Variants in CNGB1 observed in about 807,000 individuals in gnomAD.
CNGB1 encodes cyclic nucleotide-gated channel beta-1.
In CNGB1, 126 loss-of-function variants were observed where a neutral mutation model predicts 151.7. The observed-to-expected ratio is 0.83, with a 90% CI of 0.72 to 0.96. The LOEUF (loss-of-function observed/expected upper bound fraction) is 0.96. CNGB1 is among the 40% of genes least tolerant of loss of function. CNGB1 has a pLI of 0.00. For missense variants in CNGB1, 1,698 were observed against 1,627.0 expected (o/e 1.04, Z -0.75); for synonymous variants, 623 against 635.1 (o/e 0.98, Z 0.29).
chr16:57,939,339 A>G (rs1186527865), intron 16 of CNGB1, 91 bp downstream of exon 16: 2 of 1,562,934 alleles, frequency 1.3e-6, no homozygotes, highest in Admixed American at 1.7e-5. Flanking sequence ...GAGGGAGAGG[A>G]GGAGGGGTTG....
intron 25 of CNGB1, among the ~76,000 whole-genome samples, chr16:57,907,757 G>C (rs1320908911): frequency 2.0e-5 from 3 of 152,200 alleles, no homozygotes; most frequent in African/African-American, 7.2e-5. Flanking sequence ...GGGCTCAGGA[G>C]CAGGGCTGTG....
At position 57,897,400 on chromosome 16, in the gene CNGB1, G is replaced by A; in HGVS notation, c.3239C>T (p.Ala1080Val). 6.2e-7 allele frequency: 1 copy of A among 1,614,080 alleles called. No individual in the cohort carries two copies. Among genetic ancestry groups the A allele is most frequent in the Non-Finnish European group, 8.5e-7 (1 of 1,180,008 alleles). ...PESQKLLRKKARRMLRSNNKP... is the reference protein window; with the variant it reads ...PESQKLLRKKVRRMLRSNNKP... The stretch of plus-strand genomic sequence containing the variant: ...AAACGAAAGAAAAGTTACATACCTG[G>A]CTTTCTTCCGGAGTAACTTCTGAGA... Residue 1080 changes from alanine (A) to valine (V), a missense_variant, in exon 31 of 33, where the codon GCC (alanine) becomes GTC (valine). Ala to Val is a moderately conservative substitution (Grantham distance 64, BLOSUM62 0). Coordinates refer to ENST00000251102, the MANE Select transcript of CNGB1 (RefSeq NM_001297.5).
chr16:57,949,534 C>T (rs1041844637), intron 13 of CNGB1, 95 bp from the exon 14 acceptor site: 39 of 1,592,322 alleles, frequency 2.4e-5, no homozygotes, highest in Non-Finnish European at 3.2e-5. Flanking sequence ...TCCCATGACA[C>T]CTGAGCCCAG....
At chr16:57,937,837 C>T (rs1165670691) in intron 16 of CNGB1, among the ~76,000 whole-genome samples, 1 of 152,212 alleles carries the variant, frequency 6.6e-6, no homozygotes, top group Non-Finnish European at 1.5e-5. Context: ...TTGACAATTT[C>T]TGTTACCCAG....
chr16:57,942,862 CAAA>C (rs77562880), intron 14 of CNGB1, among the ~76,000 whole-genome samples: 10 of 105,906 alleles, frequency 9.4e-5, no homozygotes, highest in East Asian at 3.0e-4. Flanking sequence ...GACCCTGTCT[CAAA>C]AAAAAAAAAA....
chr16:57,934,887 G>A (rs1184035661), intron 16 of CNGB1, among the ~76,000 whole-genome samples: 1 of 151,724 alleles, frequency 6.6e-6, no homozygotes, highest in Non-Finnish European at 1.5e-5. Context: ...AACCCGGGAG[G>A]CGGAGCTTGC....
chr16:57,914,460 C>T (rs768274942), intron 23 of CNGB1, among the ~76,000 whole-genome samples: 2 of 152,186 alleles, frequency 1.3e-5, no homozygotes, highest in Non-Finnish European at 2.9e-5. Flanking sequence ...TTTTCTCTGC[C>T]CTGTTTCTCT....
chr16:57,904,149 C>T (rs539887618), intron 26 of CNGB1, among the ~76,000 whole-genome samples, 168 bp from the exon 27 acceptor site: 34 of 152,124 alleles, frequency 2.2e-4, no homozygotes, highest in Non-Finnish European at 3.1e-4. Flanking sequence ...GTTTTACTGA[C>T]GGGAAGTTCT....
rs1356127781 is a variant in CNGB1, at chr16:57,960,631, G to A, written c.535-101C>T. The A allele has an allele frequency of 2.4e-5, 35 of 1,475,750 alleles. No individual in the cohort carries two copies. In the East Asian group the frequency reaches 3.4e-4, roughly 14 times the overall value. The allele number at this position is 1,475,750 out of a possible 1,614,324, so 91.4% of individuals were successfully genotyped here. ...TGTCCTGGCCCAAGGCGGGTGAGCCGGGGATGGGGGTGGGGGGTGTCTCTC... is the reference window on the plus strand; with the variant it reads ...TGTCCTGGCCCAAGGCGGGTGAGCCAGGGATGGGGGTGGGGGGTGTCTCTC... On this transcript the variant is annotated intron_variant, in intron 8 of 32. Coordinates refer to ENST00000251102, the MANE Select transcript of CNGB1 (RefSeq NM_001297.5).
chr16:57,904,942 G>A (rs1960505523), intron 25 of CNGB1, 67 bp from the exon 26 acceptor site: 7 of 1,596,786 alleles, frequency 4.4e-6, no homozygotes, highest in Non-Finnish European at 4.3e-6. Flanking sequence ...GAGCAGTCTG[G>A]CTCAGACGCC....
At chr16:57,891,760 T>C (rs1195197780) in intron 31 of CNGB1, among the ~76,000 whole-genome samples, 1 of 152,110 alleles carries the variant, frequency 6.6e-6, no homozygotes, top group Non-Finnish European at 1.5e-5. Flanking sequence ...TTTCACCATG[T>C]TGGCCAGGCT....
Position 57,882,533 on chromosome 16 carries a change from A to G in CNGB1, c.*1631T>C, listed in dbSNP as rs1326336390. On this transcript the variant is annotated 3_prime_UTR_variant, in exon 33 of 33. Coordinates refer to ENST00000251102, the MANE Select transcript of CNGB1 (RefSeq NM_001297.5). ...AATGAATGTTGTTTTTAGTGGATGG[A>G]CAAATACATACAGACATTTGCAAAC... 6.6e-6 allele frequency: 1 copy of G among 152,134 alleles called. No individual in the cohort carries two copies. Among genetic ancestry groups the G allele is most frequent in the African/African-American group, 2.4e-5 (1 of 41,430 alleles). 9.4% of individuals were successfully genotyped at this position (152,134 alleles called of 1,614,324 possible).
At chr16:57,891,008 C>T (rs1033606684) in intron 31 of CNGB1, among the ~76,000 whole-genome samples, 4 of 152,218 alleles carry the variant, frequency 2.6e-5, no homozygotes, top group Admixed American at 6.5e-5. Context: ...GGTGCACAGG[C>T]ACTGTCAGGA....
chr16:57,929,386 A>G (rs868495087), intron 17 of CNGB1, among the ~76,000 whole-genome samples: 5 of 151,982 alleles, frequency 3.3e-5, no homozygotes, highest in Non-Finnish European at 7.4e-5. Flanking sequence ...GGAAACTTAC[A>G]ATCATGGAGG....
intron 16 of CNGB1, among the ~76,000 whole-genome samples, chr16:57,935,605 G>A (rs570261606): frequency 2.5e-4 from 38 of 152,048 alleles, no homozygotes; most frequent in African/African-American, 8.2e-4. Flanking sequence ...CCGAGATGGT[G>A]CCACAACACT....
intron 12 of CNGB1, chr16:57,954,755 A>C: frequency 1.0e-6 from 1 of 969,546 alleles, no homozygotes; most frequent in South Asian, 4.7e-5. Flanking sequence ...CCTTGGAAGG[A>C]GAGAGTGTGG....
intron 17 of CNGB1, among the ~76,000 whole-genome samples, chr16:57,929,541 C>T (rs1278657422): frequency 6.6e-6 from 1 of 151,932 alleles, no homozygotes; most frequent in Admixed American, 6.6e-5. Flanking sequence ...CTCACAGTAC[C>T]ACAGGCTTAA....
At chr16:57,906,713 T>G (rs1388853103) in intron 25 of CNGB1, among the ~76,000 whole-genome samples, 1 of 152,174 alleles carries the variant, frequency 6.6e-6, no homozygotes, top group Non-Finnish European at 1.5e-5. Flanking sequence ...GCTGGGTGCT[T>G]ATGCCGCTGG....
At position 57,964,162 on chromosome 16, in the gene CNGB1, C is replaced by T. The variant is rs764035466; in HGVS notation, c.258G>A (p.Arg86=). ...TTTCAGAAATCTCAGCGCCCTGGGC[C>T]CGGAGGGATATGGTGGAAGTAAGGG... ...EAALTSTISL[R]AQGAEISEMN... Residue 86 remains arginine, a synonymous_variant, in exon 4 of 33, where the codon CGG becomes CGA. Transcript: ENST00000251102. 6.2e-7 allele frequency: 1 copy of T among 1,614,138 alleles called. No homozygotes were observed. The highest frequency in any genetic ancestry group is 1.1e-5 in the South Asian group (1 of 91,076).
Sources: gnomAD v4.1 joint callset for allele counts (sites outside exome capture counted in the v4.1 genomes callset) on GRCh38, gnomAD v4.1.1 for gene constraint, MANE v1.5 for transcripts, NCBI Gene and HGNC (gene_info 2026-07-23, HGNC 2026-07-21) for gene names.